The following CEP85 variants were observed in gnomAD, a reference collection of about 807,000 sequenced individuals.
CEP85 encodes centrosomal protein of 85 kDa.
Under a neutral mutation model 93.7 loss-of-function variants are expected in CEP85, and 58 were observed. The observed-to-expected ratio is 0.62, with a 90% confidence interval of 0.50 to 0.77. The LOEUF (loss-of-function observed/expected upper bound fraction) is 0.77. CEP85 is among the 30% of genes least tolerant of loss of function. CEP85 has a pLI of 0.00. For missense variants in CEP85, 868 were observed against 922.0 expected (o/e 0.94, Z 0.76); for synonymous variants, 314 against 338.6 (o/e 0.93, Z 0.80).
chr1:26,268,425 T>G (rs2089923686), intron 7 of CEP85, 58 bp from the exon 8 acceptor site: 1 of 1,604,816 alleles, frequency 6.2e-7, no homozygotes, highest in Admixed American at 1.7e-5. Flanking sequence ...AGCACTGCAC[T>G]CCAGCAGGGT....
chr1:26,255,367 C>T lies in CEP85; in HGVS notation c.405C>T (p.Leu135=), dbSNP rs763090475. Residue 135 remains leucine, a synonymous_variant, in exon 4 of 14, where the codon CTC becomes CTT. Coordinates refer to ENST00000451429, the MANE Select transcript of CEP85 (RefSeq NM_001319944.2). ...TGGGAATGACAAGAAATGGAGACCTCGGTGCAATGAAACATTCTCCAGGCC... is the reference window on the plus strand; with the variant it reads ...TGGGAATGACAAGAAATGGAGACCTTGGTGCAATGAAACATTCTCCAGGCC... ...ESVGMTRNGD[L]GAMKHSPGLS... The T allele has an allele frequency of 7.4e-6, 12 of 1,613,922 alleles. No individual in the cohort carries two copies. The highest frequency in any genetic ancestry group is 1.6e-4 in the Middle Eastern group (1 of 6,082).
intron 4 of CEP85, among the ~76,000 whole-genome samples, chr1:26,257,069 C>G (rs1013713683): frequency 1.3e-5 from 2 of 151,708 alleles, no homozygotes; most frequent in African/African-American, 2.4e-5. Flanking sequence ...TAGCTAGGAC[C>G]ACAGGCGCAT....
At chr1:26,273,206 A>G (rs1336806734) in intron 11 of CEP85, among the ~76,000 whole-genome samples, 1 of 152,180 alleles carries the variant, frequency 6.6e-6, no homozygotes, top group Non-Finnish European at 1.5e-5. Context: ...CCAGGTTTCT[A>G]TTTTGGGCCA....
At chr1:26,246,213 G>A (rs2089506724) in intron 3 of CEP85, among the ~76,000 whole-genome samples, 1 of 152,116 alleles carries the variant, frequency 6.6e-6, no homozygotes, top group African/African-American at 2.4e-5. Context: ...TAAACATAGA[G>A]TTATTCCTGA....
chr1:26,235,210 C>T (rs972961812), intron 1 of CEP85, among the ~76,000 whole-genome samples: 33 of 152,192 alleles, frequency 2.2e-4, no homozygotes, highest in Non-Finnish European at 4.7e-4. Flanking sequence ...ATAGTAGGCA[C>T]GCAGTAAATT....
chr1:26,268,624 C>A lies in CEP85; in HGVS notation c.1483C>A (p.Gln495Lys). ...GCCCACACTGGAAGACCATCAGAAGCAGAGCCAGCAGGTAGCAGCAATGTC... is the reference window on the plus strand; with the variant it reads ...GCCCACACTGGAAGACCATCAGAAGAAGAGCCAGCAGGTAGCAGCAATGTC... The part of the protein sequence containing the change: ...DLPTLEDHQK[Q>K]SQQLKDSELK... The change falls in exon 8 of 14, where the codon CAG becomes AAG. Residue 495 changes from glutamine to lysine, a missense_variant. By Grantham distance (53) the Gln-to-Lys change is moderately conservative. Coordinates refer to ENST00000451429, the MANE Select transcript of CEP85 (RefSeq NM_001319944.2). 6.2e-7 allele frequency: 1 copy of A among 1,608,742 alleles called. No homozygotes were observed. Among genetic ancestry groups the A allele is most frequent in the South Asian group, 1.1e-5 (1 of 90,706 alleles).
In CEP85 at chr1:26,275,041, C is replaced by T; in HGVS notation, c.1872C>T (p.Ala624=). Reference sequence around the variant, plus strand: ...AGGAGGCCCAGCGAAGGGATTCAGCCCTGCAGCAGCTGCGCACAGCCGTGA... The same window carrying T: ...AGGAGGCCCAGCGAAGGGATTCAGCTCTGCAGCAGCTGCGCACAGCCGTGA... ...LREEAQRRDS[A]LQQLRTAVKE... Residue 624 remains alanine (A), a synonymous_variant, in exon 12 of 14, where the codon GCC becomes GCT. Coordinates refer to ENST00000451429, the MANE Select transcript of CEP85 (RefSeq NM_001319944.2). 6.3e-7 allele frequency: 1 copy of T among 1,582,498 alleles called. No homozygotes were observed. The highest frequency in any genetic ancestry group is 8.6e-7 in the Non-Finnish European group (1 of 1,164,218).
intron 10 of CEP85, 111 bp downstream of exon 10, chr1:26,271,218 C>A: frequency 1.6e-6 from 1 of 630,712 alleles, no homozygotes; most frequent in Non-Finnish European, 2.8e-6. Flanking sequence ...GGATTTGTTA[C>A]CAAGAGCTTT....
chr1:26,251,539 C>T (rs1448260440), intron 3 of CEP85, among the ~76,000 whole-genome samples: 4 of 152,178 alleles, frequency 2.6e-5, no homozygotes, highest in Admixed American at 6.5e-5. Flanking sequence ...GCATGAGCCA[C>T]CATGCCCGGC....
At chr1:26,258,325 A>C in intron 6 of CEP85, 65 bp downstream of exon 6, 1 of 1,000,676 alleles carries the variant, frequency 1.0e-6, no homozygotes, top group Admixed American at 1.8e-5. Flanking sequence ...TATGCTTGAC[A>C]CCATTAGGTA....
At chr1:26,243,194 G>A (rs111522865) in intron 2 of CEP85, among the ~76,000 whole-genome samples, 2,662 of 148,580 alleles carry the variant, frequency 0.018, 85 homozygotes, top group African/African-American at 0.062. Context: ...GTGCAGTGGC[G>A]CAATCTTTGC....
rs141749569 is a variant in CEP85, at chr1:26,255,368, G to A, written c.406G>A (p.Gly136Ser). 5.6e-5 allele frequency: 91 copies of A among 1,613,942 alleles called. No individual in the cohort carries two copies. The highest frequency in any genetic ancestry group is 1.9e-4 in the African/African-American group (14 of 74,852). The change falls in exon 4 of 14, where the codon GGT (glycine) becomes AGT (serine). Residue 136 changes from glycine to serine, a missense_variant. Gly to Ser is a moderately conservative substitution (Grantham distance 56). Transcript: ENST00000451429. ...SVGMTRNGDLGAMKHSPGLSR... is the reference protein window; with the variant it reads ...SVGMTRNGDLSAMKHSPGLSR... ...GGGAATGACAAGAAATGGAGACCTC[G>A]GTGCAATGAAACATTCTCCAGGCCT...
At chr1:26,272,639 T>TTTTG (rs1380692213) in intron 11 of CEP85, among the ~76,000 whole-genome samples, 1 of 143,714 alleles carries the variant, frequency 7.0e-6, no homozygotes, top group Non-Finnish European at 1.5e-5. Context: ...TTTTTTTTTT[T>TTTTG]TTTTTGGAGA....
At chr1:26,265,101 A>C (rs2089874400) in intron 7 of CEP85, among the ~76,000 whole-genome samples, 1 of 149,598 alleles carries the variant, frequency 6.7e-6, no homozygotes, top group African/African-American at 2.5e-5. Context: ...CTCCTGCCTC[A>C]GCCTCCCGAG....
chr1:26,251,185 C>T (rs1218690075), intron 3 of CEP85, among the ~76,000 whole-genome samples: 1 of 150,954 alleles, frequency 6.6e-6, no homozygotes, highest in East Asian at 1.9e-4. Flanking sequence ...TCAAATGATC[C>T]GCTTGCCTCT....
At chr1:26,277,035 C>T in intron 13 of CEP85, 101 bp from the exon 14 acceptor site, 2 of 1,263,382 alleles carry the variant, frequency 1.6e-6, no homozygotes, top group Non-Finnish European at 2.3e-6. Context: ...AAGTGCATGT[C>T]CCAAGACTGT....
chr1:26,259,924 G>C, intron 7 of CEP85, 122 bp downstream of exon 7: 1 of 718,064 alleles, frequency 1.4e-6, no homozygotes, highest in East Asian at 2.8e-5. Context: ...TCCTCCACTG[G>C]CTTCTCACAC....
At position 26,277,595 on chromosome 1, in the gene CEP85, C is replaced by T; in HGVS notation, c.*302C>T. ...TAGGCTGACATGAGAGACGAACAGG[C>T]TGTCCACCTTTCTTCTCCATCCAAT... On this transcript the variant is annotated 3_prime_UTR_variant, in exon 14 of 14. Coordinates refer to ENST00000451429, the MANE Select transcript of CEP85 (RefSeq NM_001319944.2). The T allele has an allele frequency of 4.0e-6, 1 of 252,480 alleles. No individual in the cohort carries two copies. Among genetic ancestry groups the T allele is most frequent in the Non-Finnish European group, 8.0e-6 (1 of 125,504 alleles). 15.6% of individuals were successfully genotyped at this position (252,480 alleles called of 1,614,324 possible).
intron 13 of CEP85, 72 bp from the exon 14 acceptor site, chr1:26,277,064 A>G: frequency 6.9e-7 from 1 of 1,459,074 alleles, no homozygotes; most frequent in East Asian, 2.3e-5. Context: ...GATACTGCCT[A>G]TCCATACTGC....
Sources: gnomAD v4.1 joint callset for allele counts (sites outside exome capture counted in the v4.1 genomes callset) on GRCh38, gnomAD v4.1.1 for gene constraint, MANE v1.5 for transcripts, NCBI Gene and HGNC (gene_info 2026-07-23, HGNC 2026-07-21) for gene names.